Variants in PARD3B observed in about 807,000 individuals in gnomAD.
The protein encoded by PARD3B is partitioning defective 3 homolog B.
In PARD3B, 103 loss-of-function variants were observed where a neutral mutation model predicts 130.2. That is an observed-to-expected ratio of 0.79 (90% CI 0.67 to 0.93). The LOEUF (loss-of-function observed/expected upper bound fraction) is 0.93. Among genes scored for constraint, PARD3B ranks in the 40% least tolerant of loss-of-function variants. The pLI is 0.00. For synonymous variants in PARD3B, 583 were observed against 553.2 expected (o/e 1.05, Z -0.76); for missense variants, 1,609 against 1,499.2 (o/e 1.07, Z -1.21).
chr2:204,597,861 C>T (rs542595783), intron 1 of PARD3B, among the ~76,000 whole-genome samples: 15 of 152,268 alleles, frequency 9.9e-5, no homozygotes, highest in African/African-American at 3.4e-4. Flanking sequence ...AAATATTTGT[C>T]TCTGGAAGAG....
chr2:205,179,359 T>C (rs1476909755), intron 13 of PARD3B, among the ~76,000 whole-genome samples: 1 of 149,602 alleles, frequency 6.7e-6, no homozygotes, highest in Non-Finnish European at 1.5e-5. Context: ...ATGTCTATAG[T>C]AGTGTACAGT....
chr2:205,405,349 A>G lies in PARD3B; in HGVS notation c.2741+4226A>G, dbSNP rs1488225642. On this transcript the variant is annotated intron_variant, in intron 19 of 22. Coordinates refer to ENST00000406610, the MANE Select transcript of PARD3B (RefSeq NM_001302769.2). This position sits in a 1 kb window ranked among gnomAD's most constrained non-coding sequence, Gnocchi z 4.1. Reference sequence around the variant, plus strand: ...AAATCTTACAATGCACAGGACAGCTACCCTCCCCCACAACATGAATCATCC... The same window carrying G: ...AAATCTTACAATGCACAGGACAGCTGCCCTCCCCCACAACATGAATCATCC... Among the ~76,000 whole-genome samples, 1 of 152,086 alleles carries G rather than the reference A, an allele frequency of 6.6e-6. No individual in the cohort carries two copies. The highest frequency in any genetic ancestry group is 2.4e-5 in the African/African-American group (1 of 41,408).
At position 205,390,878 on chromosome 2, in the gene PARD3B, A is replaced by G. The variant is rs188851965; in HGVS notation, c.2631-10135A>G. ...GTAAGTTGTATTTGATGTTTTATTT[A>G]GAGACTGCAGATGAGGCCTCCAGCT... is the stretch of plus-strand genomic sequence containing the variant. On this transcript the variant is annotated intron_variant, in intron 18 of 22. Coordinates refer to ENST00000406610, the MANE Select transcript of PARD3B (RefSeq NM_001302769.2). Among the ~76,000 whole-genome samples, 322 of 152,368 alleles carry G rather than the reference A, an allele frequency of 2.1e-3. 1 individual carries two copies. Among genetic ancestry groups the G allele is most frequent in the African/African-American group, 7.4e-3 (308 of 41,598 alleles).
intron 18 of PARD3B, among the ~76,000 whole-genome samples, chr2:205,382,495 A>G (rs73982900): frequency 0.021 from 3,260 of 152,084 alleles, 116 homozygotes; most frequent in African/African-American, 0.075. Context: ...TTCCCTTTGT[A>G]ATTAATACAT....
At chr2:205,199,640 A>C (rs965450612) in intron 15 of PARD3B, among the ~76,000 whole-genome samples, 14 of 152,154 alleles carry the variant, frequency 9.2e-5, no homozygotes, top group Non-Finnish European at 1.9e-4. Flanking sequence ...AAAGTGTGCG[A>C]GGTGGCCCAT....
At chr2:205,483,758 A>G (rs1371592707) in intron 20 of PARD3B, among the ~76,000 whole-genome samples, 1 of 152,280 alleles carries the variant, frequency 6.6e-6, no homozygotes, top group East Asian at 1.9e-4. Context: ...GCCAAAGTAA[A>G]TATATAAAGA....
intron 2 of PARD3B, among the ~76,000 whole-genome samples, chr2:204,794,960 AAT>A (rs2042320924): frequency 6.6e-6 from 1 of 152,172 alleles, no homozygotes; most frequent in African/African-American, 2.4e-5. Flanking sequence ...TATGTTTGAG[AAT>A]ATTCTTGTTT....
rs576175488 is a variant in PARD3B at position 204,657,470 on chromosome 2, C to T, written c.121-28711C>T. Among the ~76,000 whole-genome samples, 4 of 152,248 alleles carry T rather than the reference C, an allele frequency of 2.6e-5. No homozygotes were observed. In the East Asian group the frequency reaches 5.8e-4, roughly 22 times the overall value. Reference sequence around the variant, plus strand: ...GCAGTGAGCTATGATTGCATCATTGCACTCCAGCATGGATGACAGAGGTGA... The same window carrying T: ...GCAGTGAGCTATGATTGCATCATTGTACTCCAGCATGGATGACAGAGGTGA... On this transcript the variant is annotated intron_variant, in intron 1 of 22. Coordinates refer to ENST00000406610, the MANE Select transcript of PARD3B (RefSeq NM_001302769.2).
At chr2:204,859,834 T>C (rs58687976) in intron 2 of PARD3B, among the ~76,000 whole-genome samples, 23,681 of 152,160 alleles carry the variant, frequency 0.16, 2,685 homozygotes, top group African/African-American at 0.31. Flanking sequence ...AATTTCCTGG[T>C]GGCCTTAGGG....
chr2:205,029,396 A>G (rs563484718), intron 3 of PARD3B, among the ~76,000 whole-genome samples: 13 of 152,098 alleles, frequency 8.5e-5, no homozygotes, highest in Admixed American at 7.2e-4. Context: ...ACCTCATCCT[A>G]TAAGTGTCTT....
chr2:204,546,146 G>C, intron 1 of PARD3B, 27 bp downstream of exon 1: 1 of 1,549,912 alleles, frequency 6.5e-7, no homozygotes, highest in Non-Finnish European at 8.7e-7. Context: ...GGAGTGGGGC[G>C]CGGCTGCAGC....
At chr2:205,180,236 A>T (rs1439980519) in intron 13 of PARD3B, among the ~76,000 whole-genome samples, 1 of 151,252 alleles carries the variant, frequency 6.6e-6, no homozygotes, top group African/African-American at 2.4e-5. Flanking sequence ...ACACAGACTT[A>T]TTACATTTTC....
At chr2:205,233,032 A>G (rs756808403) in intron 15 of PARD3B, among the ~76,000 whole-genome samples, 8 of 152,192 alleles carry the variant, frequency 5.3e-5, no homozygotes, top group African/African-American at 1.9e-4. Context: ...CATGAATCTC[A>G]AATGAACCTC....
At chr2:204,787,647 G>T (rs561314896) in intron 2 of PARD3B, among the ~76,000 whole-genome samples, 13 of 152,194 alleles carry the variant, frequency 8.5e-5, no homozygotes, top group African/African-American at 3.1e-4. Context: ...TCATGTTCAG[G>T]TATCAGAAAT....
chr2:205,148,786 A>G (rs2033548443), intron 10 of PARD3B, among the ~76,000 whole-genome samples: 1 of 152,188 alleles, frequency 6.6e-6, no homozygotes, highest in South Asian at 2.1e-4. Context: ...AAATGATTGC[A>G]TGTGAAACAT....
At chr2:204,839,780 T>C (rs2044194869) in intron 2 of PARD3B, among the ~76,000 whole-genome samples, 1 of 152,084 alleles carries the variant, frequency 6.6e-6, no homozygotes. Context: ...AATTTGGTTT[T>C]TGAAGAACAA....
intron 4 of PARD3B, among the ~76,000 whole-genome samples, chr2:205,083,265 T>C (rs1701539857): frequency 6.6e-6 from 1 of 151,620 alleles, no homozygotes; most frequent in Non-Finnish European, 1.5e-5. Context: ...TAGACTGTTA[T>C]ATAGTAATAT....
rs1393058562 is a variant in PARD3B at position 204,675,699 on chromosome 2, T to C, written c.121-10482T>C. Among the ~76,000 whole-genome samples the C allele has an allele frequency of 1.3e-5, 2 of 152,186 alleles. No homozygotes were observed. Among genetic ancestry groups the C allele is most frequent in the East Asian group, 3.8e-4 (2 of 5,202 alleles). ...TGAGATTATAGTTACTTCACAAAGC[T>C]GAATGAAAGTGACATGGGTTAATTA... On this transcript the variant is annotated intron_variant, in intron 1 of 22. Transcript: ENST00000406610. This position sits in a 1 kb window ranked among gnomAD's most constrained non-coding sequence, Gnocchi z 4.4.
At chr2:205,382,845 A>G (rs893514373) in intron 18 of PARD3B, among the ~76,000 whole-genome samples, 3 of 151,990 alleles carry the variant, frequency 2.0e-5, no homozygotes, top group Non-Finnish European at 4.4e-5. Context: ...CATTTTCAGG[A>G]TAGCTCATGT....
Sources: allele counts gnomAD v4.1 joint callset (sites outside exome capture counted in the v4.1 genomes callset), GRCh38; gene constraint gnomAD v4.1.1; non-coding constraint Gnocchi (gnomAD v3.1); transcripts MANE v1.5; gene names NCBI Gene and HGNC (gene_info 2026-07-23, HGNC 2026-07-21).